The following BTRC variants were observed in gnomAD, a reference collection of about 807,000 sequenced individuals.
The protein encoded by BTRC is beta-transducin repeat containing E3 ubiquitin protein ligase.
Under a neutral mutation model 85.5 loss-of-function variants are expected in BTRC, and 42 were observed. The ratio of observed to expected loss-of-function variants is 0.49; its 90% CI spans 0.38 to 0.64. The LOEUF (loss-of-function observed/expected upper bound fraction) is 0.64, where lower values mean the gene tolerates loss of function less well. Ranked by LOEUF, BTRC falls within the 30% of genes least tolerant of loss-of-function variation. The pLI is 0.00. For synonymous variants in BTRC, 255 were observed against 263.3 expected (o/e 0.97, Z 0.30); for missense variants, 594 against 743.5 (o/e 0.80, Z 2.34).
intron 5 of BTRC, among the ~76,000 whole-genome samples, chr10:101,522,195 C>T (rs566966708): frequency 1.1e-4 from 17 of 148,300 alleles, no homozygotes; most frequent in African/African-American, 3.9e-4. Flanking sequence ...CGCCCGCCAC[C>T]ACACTGGGCT....
intron 1 of BTRC, among the ~76,000 whole-genome samples, chr10:101,408,864 C>T (rs1489241953): frequency 6.6e-6 from 1 of 151,812 alleles, no homozygotes; most frequent in Non-Finnish European, 1.5e-5. Context: ...CTAGCCAACA[C>T]GGTGAAACCC....
chr10:101,533,397 G>C (rs1049441148), intron 9 of BTRC, among the ~76,000 whole-genome samples: 3 of 152,160 alleles, frequency 2.0e-5, no homozygotes, highest in African/African-American at 7.2e-5. Flanking sequence ...ATGCAATGAA[G>C]CCTTCCTTTC....
intron 13 of BTRC, among the ~76,000 whole-genome samples, chr10:101,550,193 A>G (rs1048263692): frequency 6.6e-6 from 1 of 152,330 alleles, no homozygotes; most frequent in Admixed American, 6.5e-5. Flanking sequence ...TTGGCCAAAG[A>G]GTATTGCTTT....
intron 3 of BTRC, among the ~76,000 whole-genome samples, chr10:101,475,946 TATATATA>T (rs1392829897): frequency 2.9e-5 from 4 of 140,056 alleles, no homozygotes; most frequent in African/African-American, 1.1e-4. Context: ...TATATATATA[TATATATA>T]TTCAGTAATT....
At chr10:101,547,344 T>TTTC (rs2062574906) in intron 13 of BTRC, among the ~76,000 whole-genome samples, 1 of 141,686 alleles carries the variant, frequency 7.1e-6, no homozygotes, top group African/African-American at 2.6e-5. Context: ...TTTTTTTTTT[T>TTTC]TTTTTTTTTT....
At chr10:101,473,645 A>G (rs1435820204) in intron 3 of BTRC, among the ~76,000 whole-genome samples, 1 of 148,944 alleles carries the variant, frequency 6.7e-6, no homozygotes, top group Non-Finnish European at 1.5e-5. Flanking sequence ...TAATTTTTGT[A>G]TTTTTGGTAG....
chr10:101,503,165 A>G (rs1054380397), intron 4 of BTRC, among the ~76,000 whole-genome samples: 1 of 152,168 alleles, frequency 6.6e-6, no homozygotes, highest in Non-Finnish European at 1.5e-5. Context: ...TTTTTTAATG[A>G]TATTCTATTA....
chr10:101,451,854 T>C (rs1159009834), intron 2 of BTRC, among the ~76,000 whole-genome samples: 2 of 152,126 alleles, frequency 1.3e-5, no homozygotes, highest in Non-Finnish European at 2.9e-5. Flanking sequence ...AGGGGCTTTG[T>C]GAGGAGGAGA....
chr10:101,392,909 C>A (rs879294930), intron 1 of BTRC, among the ~76,000 whole-genome samples: 2 of 152,144 alleles, frequency 1.3e-5, no homozygotes, highest in African/African-American at 2.4e-5. Context: ...ACTCCCATAT[C>A]CCTTTTTATG....
In BTRC at chr10:101,506,001, G is replaced by A. The variant is rs150623008; in HGVS notation, c.325-15638G>A. ...ACAATCTCAGCTCACTGCAACCTCC[G>A]CCTCCAGGATTCAAGCAATTCTCCT... On this transcript the variant is annotated intron_variant, in intron 4 of 14. Transcript: ENST00000370187. 5.0e-3 allele frequency among the ~76,000 whole-genome samples: 755 copies of A among 151,348 alleles called. 8 individuals are homozygous for A. The highest frequency in any genetic ancestry group is 0.018 in the African/African-American group (724 of 41,164).
chr10:101,366,839 T>TA (rs1942409250), intron 1 of BTRC, among the ~76,000 whole-genome samples: 1 of 63,470 alleles, frequency 1.6e-5, no homozygotes, highest in Non-Finnish European at 2.7e-5. Flanking sequence ...TTTATATATA[T>TA]TTATGTATAT....
intron 1 of BTRC, among the ~76,000 whole-genome samples, chr10:101,409,021 C>T (rs950333149): frequency 1.3e-5 from 2 of 152,046 alleles, no homozygotes; most frequent in Non-Finnish European, 2.9e-5. Flanking sequence ...TGCACTCCAG[C>T]CTGGGCGACA....
At chr10:101,385,813 A>AATT (rs1943063541) in intron 1 of BTRC, among the ~76,000 whole-genome samples, 1 of 141,674 alleles carries the variant, frequency 7.1e-6, no homozygotes, top group Non-Finnish European at 1.6e-5. Flanking sequence ...CTGGGTTAAG[A>AATT]ACCCTGATCT....
At chr10:101,519,075 T>A (rs908444785) in intron 4 of BTRC, among the ~76,000 whole-genome samples, 1 of 55,712 alleles carries the variant, frequency 1.8e-5, no homozygotes, top group Non-Finnish European at 5.5e-5. Context: ...TCTTCTCAGC[T>A]TTTTTTTTTT....
intron 1 of BTRC, among the ~76,000 whole-genome samples, chr10:101,355,929 T>C (rs1357341742): frequency 6.6e-6 from 1 of 152,236 alleles, no homozygotes; most frequent in Non-Finnish European, 1.5e-5. Context: ...CCTTGAACTT[T>C]TACTGGACTT....
At chr10:101,541,094 TC>T (rs1041931842) in intron 13 of BTRC, among the ~76,000 whole-genome samples, 4 of 137,962 alleles carry the variant, frequency 2.9e-5, no homozygotes, top group African/African-American at 4.9e-5. Flanking sequence ...TCTCTCTCCC[TC>T]TTTTTTTTTT....
At chr10:101,489,288 A>G (rs1018559258) in intron 4 of BTRC, among the ~76,000 whole-genome samples, 1 of 152,110 alleles carries the variant, frequency 6.6e-6, no homozygotes, top group African/African-American at 2.4e-5. Context: ...AATAAAAGCA[A>G]CCCAGACAAC....
intron 1 of BTRC, among the ~76,000 whole-genome samples, chr10:101,366,415 G>A (rs571807924): frequency 4.6e-5 from 7 of 152,000 alleles, no homozygotes; most frequent in Non-Finnish European, 7.4e-5. Flanking sequence ...ATCTCTTAAG[G>A]CGCACTTTGT....
Position 101,536,409 on chromosome 10 carries a change from C to T in BTRC, c.1467-134C>T, listed in dbSNP as rs2062385922. 5.3e-6 allele frequency: 3 copies of T among 565,402 alleles called. No individual in the cohort carries two copies. In the African/African-American group the frequency reaches 5.6e-5, roughly 11 times the overall value. 35.0% of individuals were successfully genotyped at this position (565,402 alleles called of 1,614,324 possible). A position where few individuals can be genotyped will look rare whatever the true frequency, so the allele number is the denominator to read the frequency against. ...GAAAGGAAATAAATTACATTGAAAG[C>T]AGTACATATCTGTGTGGGTGGTGAT... is the stretch of plus-strand genomic sequence containing the variant. On this transcript the variant is annotated intron_variant, in intron 11 of 14. Coordinates refer to ENST00000370187, the MANE Select transcript of BTRC (RefSeq NM_033637.4).
Sources: gnomAD v4.1 joint callset for allele counts (sites outside exome capture counted in the v4.1 genomes callset) on GRCh38, gnomAD v4.1.1 for gene constraint, MANE v1.5 for transcripts, NCBI Gene and HGNC (gene_info 2026-07-23, HGNC 2026-07-21) for gene names.